GFM2: variants seen among roughly 807,000 people sequenced by gnomAD.
The protein encoded by GFM2 is ribosome-releasing factor 2, mitochondrial.
Under a neutral mutation model 95.4 loss-of-function variants are expected in GFM2, and 72 were observed. The ratio of observed to expected loss-of-function variants is 0.76; its 90% confidence interval spans 0.62 to 0.92. The LOEUF (loss-of-function observed/expected upper bound fraction) is 0.92. Among genes scored for constraint, GFM2 ranks in the 40% least tolerant of loss-of-function variants. GFM2 has a pLI of 0.00. For missense variants in GFM2, 825 were observed against 924.1 expected, an observed-to-expected ratio of 0.89 and a Z score of 1.39; for synonymous variants, 276 against 317.5, an observed-to-expected ratio of 0.87 and a Z score of 1.39.
intron 10 of GFM2, 51 bp downstream of exon 10, chr5:74,745,627 A>T: frequency 1.4e-6 from 2 of 1,436,390 alleles, no homozygotes; most frequent in Non-Finnish European, 1.9e-6. Flanking sequence ...CTATATTTTA[A>T]GATAAGTGGT....
Position 74,751,442 on chromosome 5 carries a change from C to T in GFM2, c.356G>A (p.Arg119Lys), listed in dbSNP as rs1457937170. The T allele has an allele frequency of 6.2e-7, 1 of 1,610,042 alleles. No homozygotes were observed. The highest frequency in any genetic ancestry group is 1.7e-5 in the Admixed American group (1 of 60,002). Residue 119 changes from arginine (R) to lysine (K), a missense_variant, in exon 6 of 21, where the codon AGA becomes AAA. Physicochemically the swap from Arg to Lys is conservative, Grantham distance 26. Coordinates refer to ENST00000296805, the MANE Select transcript of GFM2 (RefSeq NM_032380.5). ...VTDFMAQERE[R>K]GITIQSAAVT... ...AGCAGCTGATTGAATAGTAATGCCT[C>T]TTTCTCGCTCTTGGGCCATGAAATC... is the stretch of plus-strand genomic sequence containing the variant.
intron 7 of GFM2, among the ~76,000 whole-genome samples, chr5:74,748,912 A>AAAT (rs1743537275): frequency 8.9e-6 from 1 of 111,984 alleles, no homozygotes; most frequent in African/African-American, 3.3e-5. Flanking sequence ...AATAAAATAA[A>AAAT]AAAATAAAAA....
chr5:74,748,688 A>G (rs1743515384), intron 7 of GFM2, among the ~76,000 whole-genome samples: 1 of 151,810 alleles, frequency 6.6e-6, no homozygotes, highest in South Asian at 2.1e-4. Context: ...AACATGGTGA[A>G]ACTCTGTCTC....
chr5:74,753,371 G>A (rs10057606), intron 5 of GFM2, among the ~76,000 whole-genome samples: 19,905 of 152,196 alleles, frequency 0.13, 1,615 homozygotes, highest in Middle Eastern at 0.23. Context: ...GCTGAGGCAG[G>A]CAGATCACTT....
chr5:74,736,474 G>A, intron 15 of GFM2: 1 of 985,046 alleles, frequency 1.0e-6, no homozygotes, highest in Non-Finnish European at 1.2e-6. Flanking sequence ...AACTGAATTG[G>A]TTATGAATCA....
Position 74,758,829 on chromosome 5 carries a change from G to A in GFM2, c.304+20C>T. ...GCTTTTGCTAATGGGGGGGTGGGAA[G>A]AGGAGGAATCCATTCTAACCTCCCA... On this transcript the variant is annotated intron_variant, in intron 5 of 20. Transcript: ENST00000296805. The A allele has an allele frequency of 7.0e-7, 1 of 1,430,858 alleles. No homozygotes were observed. The highest frequency in any genetic ancestry group is 1.2e-5 in the South Asian group (1 of 86,414). 88.6% of individuals were successfully genotyped at this position (1,430,858 alleles called of 1,614,324 possible).
At chr5:74,758,079 AATTTT>A (rs1561262134) in intron 5 of GFM2, among the ~76,000 whole-genome samples, 2 of 152,216 alleles carry the variant, frequency 1.3e-5, no homozygotes, top group Non-Finnish European at 1.5e-5. Context: ...TAAGATGGTA[AATTTT>A]ATGTTTTTTT....
At chr5:74,731,732 T>C (rs1742573376) in intron 16 of GFM2, among the ~76,000 whole-genome samples, 1 of 152,216 alleles carries the variant, frequency 6.6e-6, no homozygotes, top group Non-Finnish European at 1.5e-5. Flanking sequence ...TAGGTATCTG[T>C]ACATATATAC....
chr5:74,723,644 TC>T (rs1561232955), intron 19 of GFM2, among the ~76,000 whole-genome samples: 1 of 152,182 alleles, frequency 6.6e-6, no homozygotes. Context: ...AAGTTCAAAC[TC>T]TTTAATGTAG....
chr5:74,744,496 G>T (rs1743282158), intron 10 of GFM2, among the ~76,000 whole-genome samples: 1 of 151,808 alleles, frequency 6.6e-6, no homozygotes, highest in Non-Finnish European at 1.5e-5. Flanking sequence ...TAATATTCAA[G>T]AAATTAAGGT....
intron 5 of GFM2, among the ~76,000 whole-genome samples, chr5:74,757,086 C>G (rs1243251594): frequency 6.6e-6 from 1 of 152,000 alleles, no homozygotes; most frequent in Non-Finnish European, 1.5e-5. Context: ...TAAAATAAGC[C>G]TTAGGGGAGA....
At chr5:74,745,889 A>G in intron 9 of GFM2, 32 bp from the exon 10 acceptor site, 1 of 1,535,818 alleles carries the variant, frequency 6.5e-7, no homozygotes, top group Non-Finnish European at 8.9e-7. Flanking sequence ...ACATTATTAC[A>G]TGATCACTCA....
chr5:74,731,807 T>C (rs1343290154), intron 16 of GFM2, among the ~76,000 whole-genome samples: 1 of 151,988 alleles, frequency 6.6e-6, no homozygotes, highest in Non-Finnish European at 1.5e-5. Context: ...GGGTAAAAAG[T>C]GTGAAAGGCT....
rs527564162 is a variant in GFM2 at position 74,739,906 on chromosome 5, G to A, written c.1079+83C>T. 43 of 992,988 alleles carry A rather than the reference G, an allele frequency of 4.3e-5. No homozygotes were observed. The African/African-American group carries it at 6.3e-4, about 15-fold the overall frequency. The allele number at this position is 992,988 out of a possible 1,614,324, so 61.5% of individuals were successfully genotyped here. ...CTCACCACTATTATTCAAAAATGGT[G>A]ATTTAACTACTTTTCATAAAAGTAT... On this transcript the variant is annotated intron_variant, in intron 12 of 20. Coordinates refer to ENST00000296805, the MANE Select transcript of GFM2 (RefSeq NM_032380.5).
intron 9 of GFM2, 121 bp downstream of exon 9, chr5:74,745,984 C>A: frequency 9.6e-7 from 1 of 1,046,956 alleles, no homozygotes; most frequent in South Asian, 1.6e-5. Context: ...TAATCTGTGG[C>A]TATTTCTATT....
chr5:74,725,096 G>C (rs1341475147), intron 19 of GFM2: 1 of 152,246 alleles, frequency 6.6e-6, no homozygotes, highest in African/African-American at 2.4e-5. Context: ...AATATAAGTA[G>C]AGAAATATAT....
intron 5 of GFM2, among the ~76,000 whole-genome samples, chr5:74,754,828 T>C (rs542122579): frequency 2.6e-5 from 4 of 152,148 alleles, no homozygotes; most frequent in Admixed American, 1.3e-4. Flanking sequence ...AAAGAAACAA[T>C]GGACTGGCCA....
At chr5:74,732,242 T>A (rs1025350654) in intron 16 of GFM2, among the ~76,000 whole-genome samples, 1 of 150,536 alleles carries the variant, frequency 6.6e-6, no homozygotes, top group Non-Finnish European at 1.5e-5. Context: ...TACATTTCAA[T>A]TATTTAAATA....
chr5:74,759,441 G>C lies in GFM2; in HGVS notation c.149-15C>G, dbSNP rs1744171843. The C allele has an allele frequency of 7.2e-7, 1 of 1,383,452 alleles. No individual in the cohort carries two copies. The highest frequency in any genetic ancestry group is 1.9e-5 in the Admixed American group (1 of 53,354). 85.7% of individuals were successfully genotyped at this position (1,383,452 alleles called of 1,614,324 possible). A position where few individuals can be genotyped will look rare whatever the true frequency, so the allele number is the denominator to read the frequency against. On this transcript the variant is annotated splice_polypyrimidine_tract_variant and intron_variant, in intron 3 of 20. Coordinates refer to ENST00000296805, the MANE Select transcript of GFM2 (RefSeq NM_032380.5). ...TCCTATTAAGCCTAATGAAAAGAAAGTTAAAATTGAACTGTTACATTTATG... is the reference window on the plus strand; with the variant it reads ...TCCTATTAAGCCTAATGAAAAGAAACTTAAAATTGAACTGTTACATTTATG...
Sources: gnomAD v4.1 joint callset for allele counts (sites outside exome capture counted in the v4.1 genomes callset) on GRCh38, gnomAD v4.1.1 for gene constraint, MANE v1.5 for transcripts, NCBI Gene and HGNC (gene_info 2026-07-23, HGNC 2026-07-21) for gene names.